MAPK10: variants seen among roughly 807,000 people sequenced by gnomAD.
MAPK10 encodes the protein mitogen-activated protein kinase 10.
In MAPK10, 25 loss-of-function variants were observed where a neutral mutation model predicts 59.3. The ratio of observed to expected loss-of-function variants is 0.42; its 90% CI spans 0.31 to 0.59. The LOEUF (loss-of-function observed/expected upper bound fraction) is 0.59, where lower values mean the gene tolerates loss of function less well. Among genes scored for constraint, MAPK10 ranks in the 20% least tolerant of loss-of-function variants. The pLI is 0.15. For missense variants in MAPK10, 351 were observed against 568.9 expected, an observed-to-expected ratio of 0.62 and a Z score of 3.90; for synonymous variants, 190 against 200.5, an observed-to-expected ratio of 0.95 and a Z score of 0.44.
chr4:86,341,025 C>T (rs1724582989), intron 2 of MAPK10, among the ~76,000 whole-genome samples: 1 of 152,076 alleles, frequency 6.6e-6, no homozygotes, highest in South Asian at 2.1e-4. Flanking sequence ...TGGTTCATGA[C>T]CCAAGGAAGT....
At chr4:86,453,845 C>T (rs1579279645), upstream of MAPK10, among the ~76,000 whole-genome samples, 2 of 152,206 alleles carry the variant, frequency 1.3e-5, no homozygotes, top group South Asian at 4.1e-4. Context: ...AAGCTAAGGA[C>T]CCTCACAGAG....
At chr4:86,523,164 G>A (rs1757245236) in intron 1 of MAPK10, among the ~76,000 whole-genome samples, 1 of 151,510 alleles carries the variant, frequency 6.6e-6, no homozygotes, top group Admixed American at 6.6e-5. Flanking sequence ...TTATTAATAG[G>A]TATATCTCTA....
intron 11 of MAPK10, among the ~76,000 whole-genome samples, chr4:86,041,966 G>T (rs1331522696): frequency 6.6e-6 from 1 of 152,164 alleles, no homozygotes; most frequent in Admixed American, 6.5e-5. Flanking sequence ...CCATTACTGG[G>T]TATATATCCG....
intron 2 of MAPK10, among the ~76,000 whole-genome samples, chr4:86,269,636 C>T (rs1317610075): frequency 1.3e-5 from 2 of 152,050 alleles, no homozygotes; most frequent in Non-Finnish European, 2.9e-5. Context: ...GTCTCTACTC[C>T]CACTTGGAGA....
chr4:86,183,745 C>T (rs2077473783), intron 3 of MAPK10, among the ~76,000 whole-genome samples: 1 of 152,212 alleles, frequency 6.6e-6, no homozygotes, highest in African/African-American at 2.4e-5. Context: ...AACTAGTTTA[C>T]AATCCCATCA....
At chr4:86,172,463 C>T (rs1464909444) in intron 3 of MAPK10, among the ~76,000 whole-genome samples, 1 of 150,864 alleles carries the variant, frequency 6.6e-6, no homozygotes, top group Non-Finnish European at 1.5e-5. Flanking sequence ...TCACAGTAAA[C>T]TATTGCGAGG....
At chr4:86,070,439 G>C (rs964266957) in intron 9 of MAPK10, among the ~76,000 whole-genome samples, 17 of 145,756 alleles carry the variant, frequency 1.2e-4, no homozygotes, top group Admixed American at 7.0e-4. Context: ...TGTGCACATT[G>C]TGCAGGTTAG....
At chr4:86,585,344 A>G (rs1313494451) in intron 1 of MAPK10, among the ~76,000 whole-genome samples, 1 of 152,230 alleles carries the variant, frequency 6.6e-6, no homozygotes, top group African/African-American at 2.4e-5. Context: ...TATTACAAAA[A>G]TATATTTAAT....
chr4:86,052,029 G>GA (rs994112010), intron 11 of MAPK10, among the ~76,000 whole-genome samples: 11 of 149,590 alleles, frequency 7.4e-5, no homozygotes, highest in East Asian at 5.9e-4. Context: ...TCTATTTCTT[G>GA]AAAAAAAAAT....
chr4:86,295,088 A>C (rs1006932594), intron 2 of MAPK10, among the ~76,000 whole-genome samples: 1 of 152,168 alleles, frequency 6.6e-6, no homozygotes, highest in African/African-American at 2.4e-5. Flanking sequence ...TACAGCATAA[A>C]ATCAGATTTG....
chr4:86,217,657 G>A (rs74364301), intron 2 of MAPK10, among the ~76,000 whole-genome samples: 12,929 of 152,122 alleles, frequency 0.085, 1,217 homozygotes, highest in African/African-American at 0.23. Flanking sequence ...GTTTGTATAT[G>A]TACACATGTG....
At chr4:86,276,446 A>ACCTAAAT (rs994803151) in intron 2 of MAPK10, among the ~76,000 whole-genome samples, 2 of 151,354 alleles carry the variant, frequency 1.3e-5, no homozygotes, top group African/African-American at 4.9e-5. Flanking sequence ...AACAAAGAGA[A>ACCTAAAT]CCCAATGTTT....
At chr4:86,516,434 T>C (rs1222284699) in intron 1 of MAPK10, among the ~76,000 whole-genome samples, 2 of 152,206 alleles carry the variant, frequency 1.3e-5, no homozygotes, top group Non-Finnish European at 2.9e-5. Flanking sequence ...ATGATGGTAT[T>C]TGATGGCAAT....
At chr4:86,309,888 C>A (rs1397990732) in intron 2 of MAPK10, among the ~76,000 whole-genome samples, 1 of 152,156 alleles carries the variant, frequency 6.6e-6, no homozygotes, top group South Asian at 2.1e-4. Flanking sequence ...ACACCACTAT[C>A]CTTTGAACTG....
intron 2 of MAPK10, among the ~76,000 whole-genome samples, chr4:86,229,714 T>C (rs1246665177): frequency 1.5e-5 from 2 of 131,062 alleles, no homozygotes; most frequent in East Asian, 2.0e-4. Context: ...GATTTTATTT[T>C]ATGAAAAAAA....
upstream of MAPK10, among the ~76,000 whole-genome samples, chr4:86,455,337 C>T (rs764908236): frequency 2.6e-4 from 40 of 152,054 alleles, no homozygotes; most frequent in Non-Finnish European, 4.9e-4. Flanking sequence ...CTAAAAGACA[C>T]GGAATTGCAG....
intron 4 of MAPK10, among the ~76,000 whole-genome samples, chr4:86,158,234 A>C (rs550675948): frequency 1.3e-5 from 2 of 152,026 alleles, no homozygotes; most frequent in African/African-American, 4.8e-5. Context: ...GAAATCTGCC[A>C]ACAATTCAAA....
chr4:86,148,503 G>C (rs2065553017), intron 4 of MAPK10, among the ~76,000 whole-genome samples: 1 of 152,130 alleles, frequency 6.6e-6, no homozygotes. Flanking sequence ...TAAGGAGGGG[G>C]AAAGGGATAT....
At chr4:86,040,777 T>C (rs564515147) in intron 11 of MAPK10, 2 of 152,180 alleles carry the variant, frequency 1.3e-5, no homozygotes, top group African/African-American at 4.8e-5. Context: ...AGCTAGCAGA[T>C]TTTTCGGCAG....
Sources: allele counts gnomAD v4.1 joint callset (sites outside exome capture counted in the v4.1 genomes callset), GRCh38; gene constraint gnomAD v4.1.1; transcripts MANE v1.5; gene names NCBI Gene and HGNC (gene_info 2026-07-23, HGNC 2026-07-21).